Variants in TAF4 observed in about 807,000 individuals in gnomAD.
The protein encoded by TAF4 is TATA-box binding protein associated factor 4, also known as transcription initiation factor TFIID subunit 4.
In TAF4, 9 loss-of-function variants were observed where a neutral mutation model predicts 90.3. That is an observed-to-expected ratio of 0.10 (90% CI 0.06 to 0.17). The LOEUF is 0.17. Ranked by LOEUF, TAF4 falls within the 10% of genes least tolerant of loss-of-function variation. The pLI is 1.00. For missense variants in TAF4, 1,351 were observed against 1,370.7 expected (o/e 0.99, Z 0.23); for synonymous variants, 818 against 638.9 (o/e 1.28, Z -4.23).
intron 12 of TAF4, among the ~76,000 whole-genome samples, chr20:61,998,735 C>T (rs1600834281): frequency 6.6e-6 from 1 of 152,354 alleles, no homozygotes; most frequent in East Asian, 1.9e-4. Context: ...GTGCTTCACA[C>T]CTGGGTGTGA....
intron 1 of TAF4, among the ~76,000 whole-genome samples, chr20:62,034,800 T>C (rs571630571): frequency 2.6e-5 from 4 of 151,862 alleles, no homozygotes; most frequent in East Asian, 1.9e-4. Flanking sequence ...ACCATATTCA[T>C]GGATATAGTC....
intron 1 of TAF4, among the ~76,000 whole-genome samples, chr20:62,052,630 G>A (rs572765586): frequency 6.6e-6 from 1 of 151,916 alleles, no homozygotes; most frequent in East Asian, 1.9e-4. Context: ...AGATGGGCAA[G>A]TGTCCCATGG....
At chr20:61,994,656 G>T (rs1022089163) in intron 14 of TAF4, among the ~76,000 whole-genome samples, 1 of 152,154 alleles carries the variant, frequency 6.6e-6, no homozygotes, top group Admixed American at 6.5e-5. Context: ...CGGAGGTCTG[G>T]GACATCCCAC....
chr20:61,991,888 A>G (rs1210043933), intron 14 of TAF4, among the ~76,000 whole-genome samples: 1 of 152,160 alleles, frequency 6.6e-6, no homozygotes, highest in Non-Finnish European at 1.5e-5. Flanking sequence ...CCCAGGGAAG[A>G]AAAACACGTG....
At chr20:62,018,491 G>T (rs1043247498) in intron 1 of TAF4, among the ~76,000 whole-genome samples, 1 of 152,246 alleles carries the variant, frequency 6.6e-6, no homozygotes. Context: ...CCTGACCTAC[G>T]AAAGGCAGCC....
rs1353524782 is a variant in TAF4, at chr20:62,064,743, C to CG, written c.1067dup (p.Ala357GlyfsTer105). On this transcript the variant is annotated frameshift_variant, in exon 1 of 15. Transcript: ENST00000252996. LOFTEE classifies it high-confidence loss of function. ...CGCTGGCCGCCAGGGTCTGCGCCGC[C>CG]GGGGGCGCCGCCTGCACCACCCTCT... The CG allele has an allele frequency of 1.7e-6, 2 of 1,168,526 alleles. No homozygotes were observed. Among genetic ancestry groups the CG allele is most frequent in the Non-Finnish European group, 1.0e-6 (1 of 952,654 alleles). The allele number at this position is 1,168,526 out of a possible 1,614,324, so 72.4% of individuals were successfully genotyped here. A position where few individuals can be genotyped will look rare whatever the true frequency, so the allele number is the denominator to read the frequency against.
chr20:61,991,379 G>C (rs1252190931), intron 14 of TAF4, among the ~76,000 whole-genome samples: 3 of 151,976 alleles, frequency 2.0e-5, no homozygotes, highest in Non-Finnish European at 4.4e-5. Flanking sequence ...CACCGAGATA[G>C]AGCCACTGCA....
In TAF4 at chr20:61,999,008, C is replaced by T; in HGVS notation, c.2888G>A (p.Arg963Gln). ...CTTTGCTGCCCTCATCAGGATCTCC[C>T]GCTCCTGCTCATCCTTCCTCTGCTT... is the stretch of plus-strand genomic sequence containing the variant. The part of the protein sequence containing the change: ...IEKQRKDEQE[R>Q]EILMRAAKSR... Residue 963 changes from arginine to glutamine, a missense_variant, in exon 12 of 15, where the codon CGG becomes CAG. Arg to Gln is a conservative substitution (Grantham distance 43). Coordinates refer to ENST00000252996, the MANE Select transcript of TAF4 (RefSeq NM_003185.4). 1 of 1,613,956 alleles carries T rather than the reference C, an allele frequency of 6.2e-7. No homozygotes were observed. Among genetic ancestry groups the T allele is most frequent in the Non-Finnish European group, 8.5e-7 (1 of 1,180,032 alleles).
At chr20:62,050,892 G>T (rs2056023352) in intron 1 of TAF4, among the ~76,000 whole-genome samples, 1 of 152,048 alleles carries the variant, frequency 6.6e-6, no homozygotes, top group Non-Finnish European at 1.5e-5. Flanking sequence ...ACCCAGCAAG[G>T]CCCCTTTCTG....
rs767742516 is a variant in TAF4, at chr20:62,006,647, C to T, written c.2086G>A (p.Val696Met). ...CGCTGGACCGAGCTACTCAGCACCA[C>T]GGCCGTGAGCGCAGTGGTGGCCTGC... Reference protein sequence around the residue: ...TSQATTALTAVVLSSSVQRTA... With the variant: ...TSQATTALTAMVLSSSVQRTA... The change falls in exon 7 of 15, where the codon GTG becomes ATG. Residue 696 changes from valine (V) to methionine (M), a missense_variant. Val to Met is a conservative substitution (Grantham distance 21). This residue lies in a region of TAF4 where 202 missense variants were observed against 229.7 expected (regional missense o/e 0.88). Coordinates refer to ENST00000252996, the MANE Select transcript of TAF4 (RefSeq NM_003185.4). This position sits in a 1 kb window ranked among gnomAD's most constrained non-coding sequence, Gnocchi z 7.0. 1.6e-5 allele frequency: 25 copies of T among 1,599,262 alleles called. No homozygotes were observed. The African/African-American group carries it at 2.7e-4, about 17-fold the overall frequency.
At chr20:62,060,554 A>G (rs2056083979) in intron 1 of TAF4, among the ~76,000 whole-genome samples, 1 of 152,238 alleles carries the variant, frequency 6.6e-6, no homozygotes, top group Non-Finnish European at 1.5e-5. Flanking sequence ...GGCAGGGGGC[A>G]GGGAGGAAGG....
chr20:61,981,641 G>A (rs2055541630), intron 14 of TAF4, among the ~76,000 whole-genome samples: 2 of 152,228 alleles, frequency 1.3e-5, no homozygotes, highest in South Asian at 4.2e-4. Flanking sequence ...CAGAAAGGAG[G>A]AAAAGGGTCA....
At chr20:62,009,195 A>G (rs11906738) in intron 4 of TAF4, 21 bp from the exon 5 acceptor site, 24 of 1,589,594 alleles carry the variant, frequency 1.5e-5, no homozygotes, top group South Asian at 5.8e-5. Context: ...GTAAAAAGAT[A>G]TAAGTGAAAA....
At chr20:62,042,790 T>TA (rs1471274730) in intron 1 of TAF4, among the ~76,000 whole-genome samples, 2 of 152,258 alleles carry the variant, frequency 1.3e-5, no homozygotes, top group Non-Finnish European at 2.9e-5. Context: ...TATTAAAACT[T>TA]ACAGTTAACT....
chr20:62,025,346 T>C (rs926516037), intron 1 of TAF4, among the ~76,000 whole-genome samples: 1 of 152,110 alleles, frequency 6.6e-6, no homozygotes, highest in Admixed American at 6.5e-5. Context: ...TCAAATAAAA[T>C]GGGATGAACT....
At position 61,978,541 on chromosome 20, in the gene TAF4, G is replaced by A. The variant is rs1600821895; in HGVS notation, c.3091-2206C>T. Among the ~76,000 whole-genome samples the A allele has an allele frequency of 2.6e-5, 4 of 151,836 alleles. No homozygotes were observed. In the East Asian group the frequency reaches 7.8e-4, roughly 30 times the overall value. On this transcript the variant is annotated intron_variant, in intron 14 of 14. Transcript: ENST00000252996. The stretch of plus-strand genomic sequence containing the variant: ...GGCGCGAGACCAACCAAGGCCGGGG[G>A]CGAGACCAACCAAAGGAGGGGGTGA...
intron 1 of TAF4, among the ~76,000 whole-genome samples, chr20:62,061,093 G>A (rs906954643): frequency 1.3e-5 from 2 of 152,230 alleles, no homozygotes; most frequent in African/African-American, 4.8e-5. Context: ...GGGCCCTCAA[G>A]TCACAAAATC....
At chr20:62,057,288 C>T (rs964545361) in intron 1 of TAF4, among the ~76,000 whole-genome samples, 2 of 152,210 alleles carry the variant, frequency 1.3e-5, no homozygotes, top group Non-Finnish European at 2.9e-5. Flanking sequence ...GTTCAGCTCC[C>T]TGGCTCCTAG....
At chr20:62,038,631 G>A (rs1227527561) in intron 1 of TAF4, among the ~76,000 whole-genome samples, 1 of 152,186 alleles carries the variant, frequency 6.6e-6, no homozygotes, top group Non-Finnish European at 1.5e-5. Context: ...AAACAACCCT[G>A]AGAAAAATCC....
Sources: allele counts gnomAD v4.1 joint callset (sites outside exome capture counted in the v4.1 genomes callset), GRCh38; gene constraint gnomAD v4.1.1; regional missense constraint gnomAD v4.1.1; non-coding constraint Gnocchi (gnomAD v3.1); transcripts MANE v1.5; gene names NCBI Gene and HGNC (gene_info 2026-07-23, HGNC 2026-07-21).